The following LBR variants were observed in gnomAD, a reference collection of about 807,000 sequenced individuals.
LBR encodes the protein delta(14)-sterol reductase LBR.
Under a neutral mutation model 74.3 loss-of-function variants are expected in LBR, and 28 were observed. The observed-to-expected ratio is 0.38, with a 90% CI of 0.28 to 0.52. LBR has a LOEUF of 0.52. Among genes scored for constraint, LBR ranks in the 20% least tolerant of loss-of-function variants. The pLI, the probability that LBR is intolerant of heterozygous loss-of-function variation, is 0.89. For synonymous variants in LBR, 228 were observed against 269.3 expected (o/e 0.85, Z 1.50); for missense variants, 717 against 760.3 (o/e 0.94, Z 0.67).
At chr1:225,414,079 G>A in intron 7 of LBR, 1 of 456,710 alleles carries the variant, frequency 2.2e-6, no homozygotes, top group Admixed American at 2.3e-5. Context: ...CCAGAGGGAG[G>A]GAGGGTGCCA....
chr1:225,403,566 CTTCA>C, intron 13 of LBR, 103 bp from the exon 14 acceptor site: 1 of 849,730 alleles, frequency 1.2e-6, no homozygotes, highest in East Asian at 2.7e-5. Context: ...CCACAAGGTA[CTTCA>C]TTTTCTCTAA....
At chr1:225,421,352 G>A (rs1334097605) in intron 3 of LBR, among the ~76,000 whole-genome samples, 1 of 152,196 alleles carries the variant, frequency 6.6e-6, no homozygotes, top group Non-Finnish European at 1.5e-5. Context: ...AATCAGCCAG[G>A]CATGGTGGTG....
At position 225,403,103 on chromosome 1, in the gene LBR, C is replaced by T; in HGVS notation, c.*200G>A. 3 of 566,778 alleles carry T rather than the reference C, an allele frequency of 5.3e-6. No individual in the cohort carries two copies. The highest frequency in any genetic ancestry group is 6.2e-6 in the Non-Finnish European group (2 of 320,680). 35.1% of individuals were successfully genotyped at this position (566,778 alleles called of 1,614,324 possible). On this transcript the variant is annotated 3_prime_UTR_variant, in exon 14 of 14. Coordinates refer to ENST00000272163, the MANE Select transcript of LBR (RefSeq NM_002296.4). ...TCTCACATCCTTACTTGTATTTTTC[C>T]TATGTTAACTGTAAGTTAATACAAG... is the stretch of plus-strand genomic sequence containing the variant.
At chr1:225,419,863 T>A in intron 3 of LBR, 65 bp from the exon 4 acceptor site, 1 of 1,173,360 alleles carries the variant, frequency 8.5e-7, no homozygotes. Flanking sequence ...AACATGATGG[T>A]AAAAACTTAC....
chr1:225,410,559 A>C (rs577326288), intron 9 of LBR, 143 bp from the exon 10 acceptor site: 119 of 784,294 alleles, frequency 1.5e-4, no homozygotes, highest in Non-Finnish European at 2.1e-4. Flanking sequence ...AAGACATCTC[A>C]GCACCATGGG....
Position 225,419,788 on chromosome 1 carries a change from C to A in LBR, c.377G>T (p.Gly126Val), listed in dbSNP as rs1375201039. ...CCCATTATATCTGCTGATGCTATTT[C>A]CAAATGGCTTCTAAATTGAAGAATA... Reference protein sequence around the residue: ...KLTPLILKPFGNSISRYNGEP... With the variant: ...KLTPLILKPFVNSISRYNGEP... Residue 126 changes from glycine (G) to valine (V), a missense_variant, in exon 4 of 14, where the codon GGA (glycine) becomes GTA (valine). Physicochemically the swap from Gly to Val is moderately radical, Grantham distance 109. Transcript: ENST00000272163. 6.2e-7 allele frequency: 1 copy of A among 1,604,486 alleles called. No individual in the cohort carries two copies. Among genetic ancestry groups the A allele is most frequent in the African/African-American group, 1.3e-5 (1 of 74,690 alleles).
chr1:225,417,924 C>T, intron 6 of LBR, 60 bp downstream of exon 6: 1 of 1,509,334 alleles, frequency 6.6e-7, no homozygotes. Flanking sequence ...TGGAGACCCG[C>T]CTGGACAATA....
intron 10 of LBR, among the ~76,000 whole-genome samples, chr1:225,409,701 T>C (rs1220195247): frequency 6.6e-6 from 1 of 152,194 alleles, no homozygotes; most frequent in African/African-American, 2.4e-5. Flanking sequence ...TTAAAAGGAA[T>C]ATGCTGGCTG....
At chr1:225,419,227 C>G in intron 5 of LBR, 36 bp downstream of exon 5, 1 of 1,606,584 alleles carries the variant, frequency 6.2e-7, no homozygotes, top group Middle Eastern at 1.7e-4. Context: ...CTAGCTCACC[C>G]CACCTGCCCT....
chr1:225,413,520 G>A (rs1410227961), intron 7 of LBR, among the ~76,000 whole-genome samples: 3 of 152,172 alleles, frequency 2.0e-5, no homozygotes, highest in African/African-American at 2.4e-5. Flanking sequence ...ATTTATATGA[G>A]AATTCTAAAA....
Position 225,405,119 on chromosome 1 carries a change from CT to C in LBR, c.1484-414del, listed in dbSNP as rs575050503. On this transcript the variant is annotated intron_variant, in intron 11 of 13. Transcript: ENST00000272163. ...TAATCAAAATTACAAGCTATATCAT[CT>C]GTTAGTTATACCTACTGGCCATGGC... Among the ~76,000 whole-genome samples the C allele has an allele frequency of 7.2e-5, 11 of 152,328 alleles. No individual in the cohort carries two copies. The East Asian group carries it at 2.1e-3, about 29-fold the overall frequency.
chr1:225,412,664 AAG>A lies in LBR; in HGVS notation c.893-21_893-20del. On this transcript the variant is annotated intron_variant, in intron 7 of 13. Coordinates refer to ENST00000272163, the MANE Select transcript of LBR (RefSeq NM_002296.4). The stretch of plus-strand genomic sequence containing the variant: ...TAGAATCCTTTAAAAAAAAAAAAAA[AAG>A]GAAGTGGAAAATTAATATTAACCCA... The A allele has an allele frequency of 6.3e-7, 1 of 1,589,586 alleles. No homozygotes were observed. The highest frequency in any genetic ancestry group is 1.1e-5 in the South Asian group (1 of 87,768).
chr1:225,412,927 T>A (rs1328828024), intron 7 of LBR, among the ~76,000 whole-genome samples: 2 of 152,164 alleles, frequency 1.3e-5, no homozygotes, highest in African/African-American at 4.8e-5. Flanking sequence ...AGACAAGAAG[T>A]GCAACCTGAA....
intron 2 of LBR, chr1:225,422,521 G>T: frequency 1.9e-6 from 1 of 521,408 alleles, no homozygotes; most frequent in Non-Finnish European, 3.5e-6. Context: ...TCCATGAAAC[G>T]AATGTATCTA....
In LBR at chr1:225,425,307, C is replaced by G. The variant is rs115800966; in HGVS notation, c.-14-1218G>C. ...CGTCTGTGAAAAAACTTAACAAGCT[C>G]TACTAGTTTACAGAGATGGCAGCTA... On this transcript the variant is annotated intron_variant, in intron 1 of 13. Coordinates refer to ENST00000272163, the MANE Select transcript of LBR (RefSeq NM_002296.4). Among the ~76,000 whole-genome samples the G allele has an allele frequency of 5.3e-3, 808 of 152,264 alleles. 8 individuals are homozygous for G. Among genetic ancestry groups the G allele is most frequent in the African/African-American group, 0.018 (728 of 41,530 alleles).
rs376668971 is a variant in LBR, at chr1:225,412,485, C to T, written c.1053G>A (p.Ala351=). Residue 351 remains alanine, a synonymous_variant, in exon 8 of 14, where the codon GCG becomes GCA. Transcript: ENST00000272163. ...SVYLYMRSLK[A]PRNDLSPASS... ...TGGCAGGCGACAGGTCATTCCGGGG[C>T]GCTTTCAAAGAGCGCATGTAGAGAT... 21 of 1,613,916 alleles carry T rather than the reference C, an allele frequency of 1.3e-5. No homozygotes were observed. Among genetic ancestry groups the T allele is most frequent in the African/African-American group, 4.0e-5 (3 of 74,862 alleles).
At chr1:225,406,512 T>C in intron 11 of LBR, 152 bp downstream of exon 11, 1 of 656,612 alleles carries the variant, frequency 1.5e-6, no homozygotes, top group Non-Finnish European at 2.6e-6. Flanking sequence ...CTTTGCAAAA[T>C]GCAGATTTTT....
intron 1 of LBR, among the ~76,000 whole-genome samples, chr1:225,424,432 C>T (rs1250436042): frequency 6.6e-6 from 1 of 152,194 alleles, no homozygotes; most frequent in Non-Finnish European, 1.5e-5. Context: ...ATTTGCGTAT[C>T]AATTTACAAT....
At chr1:225,406,167 C>T (rs1468872420) in intron 11 of LBR, among the ~76,000 whole-genome samples, 1 of 152,112 alleles carries the variant, frequency 6.6e-6, no homozygotes, top group East Asian at 1.9e-4. Flanking sequence ...AATCGAACAC[C>T]ATATCCTCCG....
Sources: allele counts gnomAD v4.1 joint callset (sites outside exome capture counted in the v4.1 genomes callset), GRCh38; gene constraint gnomAD v4.1.1; transcripts MANE v1.5; gene names NCBI Gene and HGNC (gene_info 2026-07-23, HGNC 2026-07-21).